ZBTB38: variants seen among roughly 807,000 people sequenced by gnomAD.
ZBTB38 encodes the protein zinc finger and BTB domain-containing protein 38.
A neutral mutation model predicts 76.8 loss-of-function variants in ZBTB38; 20 were observed. That is an observed-to-expected ratio of 0.26 (90% CI 0.18 to 0.38). The LOEUF (loss-of-function observed/expected upper bound fraction) is 0.38, where lower values mean the gene tolerates loss of function less well. Ranked by LOEUF, ZBTB38 falls within the 10% of genes least tolerant of loss-of-function variation. The pLI, the probability that ZBTB38 is intolerant of heterozygous loss-of-function variation, is 1.00. For missense variants in ZBTB38, 1,082 were observed against 1,482.3 expected (o/e 0.73, Z 4.43); for synonymous variants, 504 against 544.2 (o/e 0.93, Z 1.03).
upstream of ZBTB38, among the ~76,000 whole-genome samples, chr3:141,366,053 C>T (rs1425706872): frequency 6.6e-6 from 1 of 152,184 alleles, no homozygotes; most frequent in African/African-American, 2.4e-5. Context: ...CTCCACTTCA[C>T]GTAGAGACCA....
chr3:141,375,917 G>A (rs1945300294), intron 2 of ZBTB38, among the ~76,000 whole-genome samples: 1 of 152,214 alleles, frequency 6.6e-6, no homozygotes, highest in Non-Finnish European at 1.5e-5. Context: ...TAGGAGCACA[G>A]CCTGAGAGGC....
intron 5 of ZBTB38, among the ~76,000 whole-genome samples, chr3:141,441,529 A>G (rs4683404): frequency 0.21 from 31,429 of 152,190 alleles, 5,171 homozygotes; most frequent in African/African-American, 0.44. Context: ...CTGATGAGTC[A>G]CCATAGGGCC....
At chr3:141,353,880 T>C (rs1162379994) in intron 1 of ZBTB38, among the ~76,000 whole-genome samples, 1 of 152,134 alleles carries the variant, frequency 6.6e-6, no homozygotes, top group Non-Finnish European at 1.5e-5. Context: ...CCAGGAACAC[T>C]CTAGTTGTTC....
chr3:141,373,559 A>G lies in ZBTB38; in HGVS notation c.-235+3613A>G, dbSNP rs187023841. On this transcript the variant is annotated intron_variant, in intron 2 of 5. Coordinates refer to ENST00000321464, the MANE Select transcript of ZBTB38 (RefSeq NM_001376113.1). Reference sequence around the variant, plus strand: ...TTAGAGAGTTTTGCAGAAATACCACATCATATTCACCAAAACTAAGAATTC... The same window carrying G: ...TTAGAGAGTTTTGCAGAAATACCACGTCATATTCACCAAAACTAAGAATTC... 4.2e-3 allele frequency among the ~76,000 whole-genome samples: 636 copies of G among 152,350 alleles called. 5 individuals carry two copies. The highest frequency in any genetic ancestry group is 0.013 in the African/African-American group (522 of 41,580).
chr3:141,360,340 C>T (rs1340019762), intron 1 of ZBTB38, among the ~76,000 whole-genome samples: 1 of 152,240 alleles, frequency 6.6e-6, no homozygotes, highest in Non-Finnish European at 1.5e-5. Context: ...ATGCTTGTTT[C>T]GGCGTGTGCC....
chr3:141,390,255 C>G (rs1302331978), intron 4 of ZBTB38, among the ~76,000 whole-genome samples: 1 of 152,020 alleles, frequency 6.6e-6, no homozygotes, highest in Non-Finnish European at 1.5e-5. Flanking sequence ...TGGCACTTAC[C>G]CCATCTCATT....
At chr3:141,366,530 CT>C (rs1214247700), upstream of ZBTB38, 1 of 152,270 alleles carries the variant, frequency 6.6e-6, no homozygotes, top group African/African-American at 2.4e-5. Flanking sequence ...AGCTTTCTCT[CT>C]TGTGAAATTC....
chr3:141,348,938 A>G (rs988136383), intron 1 of ZBTB38, among the ~76,000 whole-genome samples: 1 of 152,080 alleles, frequency 6.6e-6, no homozygotes, highest in South Asian at 2.1e-4. Context: ...AGCCAAACCT[A>G]TATTACAAGA....
chr3:141,373,118 C>T (rs567958866), intron 2 of ZBTB38, among the ~76,000 whole-genome samples: 3 of 152,168 alleles, frequency 2.0e-5, no homozygotes, highest in Non-Finnish European at 4.4e-5. Context: ...GCTGAGTGAC[C>T]TCACAGACAA....
intron 4 of ZBTB38, among the ~76,000 whole-genome samples, chr3:141,402,186 G>A (rs946805079): frequency 1.3e-5 from 2 of 152,168 alleles, no homozygotes; most frequent in Non-Finnish European, 2.9e-5. Context: ...GGGCCCTCAC[G>A]GGTCCCGCCG....
At chr3:141,412,478 AT>A (rs10577522) in intron 5 of ZBTB38, among the ~76,000 whole-genome samples, 3,147 of 145,038 alleles carry the variant, frequency 0.022, 62 homozygotes, top group African/African-American at 0.055. Context: ...TGTTCTTTTG[AT>A]TTTTTTTTTT....
At chr3:141,326,008 G>GT (rs1198185442) in intron 1 of ZBTB38, among the ~76,000 whole-genome samples, 2 of 151,848 alleles carry the variant, frequency 1.3e-5, no homozygotes, top group Non-Finnish European at 2.9e-5. Context: ...CATTTAACAT[G>GT]TTTTTTCTTT....
intron 5 of ZBTB38, among the ~76,000 whole-genome samples, chr3:141,419,282 C>T (rs902023573): frequency 9.9e-5 from 15 of 152,180 alleles, no homozygotes; most frequent in African/African-American, 1.4e-4. Flanking sequence ...GATCCAGTCA[C>T]CTCCCACCAG....
intron 1 of ZBTB38, among the ~76,000 whole-genome samples, chr3:141,339,159 G>C (rs1943100270): frequency 6.6e-6 from 1 of 152,076 alleles, no homozygotes; most frequent in Non-Finnish European, 1.5e-5. Flanking sequence ...CTCTAAGGCA[G>C]GATATTCTGG....
chr3:141,349,222 C>A (rs1212463103), intron 1 of ZBTB38, among the ~76,000 whole-genome samples: 1 of 152,172 alleles, frequency 6.6e-6, no homozygotes, highest in Non-Finnish European at 1.5e-5. Context: ...GATATCCTGA[C>A]ATTTAGGAAT....
At chr3:141,340,075 A>G (rs915759383) in intron 1 of ZBTB38, among the ~76,000 whole-genome samples, 28 of 152,190 alleles carry the variant, frequency 1.8e-4, no homozygotes, top group Admixed American at 4.6e-4. Flanking sequence ...GACTTTTGTT[A>G]TTGTTAAACT....
intron 5 of ZBTB38, among the ~76,000 whole-genome samples, chr3:141,437,360 G>A (rs1028583358): frequency 2.6e-5 from 4 of 152,130 alleles, no homozygotes; most frequent in Non-Finnish European, 1.5e-5. Flanking sequence ...CTTACTCTCT[G>A]TTGAACTCCC....
In ZBTB38 at chr3:141,445,958, G is replaced by C. The variant is rs1434328355; in HGVS notation, c.3570G>C (p.Val1190=). The change falls in exon 6 of 6, where the codon GTG becomes GTC. Residue 1190 remains valine (V), a synonymous_variant. Transcript: ENST00000321464. This position sits in a 1 kb window ranked among gnomAD's most constrained non-coding sequence, Gnocchi z 6.5. ...AAAAGGATAACATACAAACCGGTGT[G>C]GAAAATGTTGTCCTTTGAGTGGCAA... ...NDQKDNIQTG[V]ENVVL 1 of 1,581,142 alleles carries C rather than the reference G, an allele frequency of 6.3e-7. No individual in the cohort carries two copies. The highest frequency in any genetic ancestry group is 1.3e-5 in the African/African-American group (1 of 74,202).
At chr3:141,340,992 G>A (rs924093101) in intron 1 of ZBTB38, among the ~76,000 whole-genome samples, 10 of 80,082 alleles carry the variant, frequency 1.2e-4, no homozygotes, top group African/African-American at 3.8e-4. Flanking sequence ...GAAAGAAAGA[G>A]AAAGAAGAAA....
Sources: gnomAD v4.1 joint callset for allele counts (sites outside exome capture counted in the v4.1 genomes callset) on GRCh38, gnomAD v4.1.1 for gene constraint, Gnocchi (gnomAD v3.1) non-coding constraint, MANE v1.5 for transcripts, NCBI Gene and HGNC (gene_info 2026-07-23, HGNC 2026-07-21) for gene names.